Variants in WDR72 observed in about 807,000 individuals in gnomAD.
The protein encoded by WDR72 is WD repeat domain 72.
Under a neutral mutation model 124.2 loss-of-function variants are expected in WDR72, and 120 were observed. That is an observed-to-expected ratio of 0.97 (90% CI 0.83 to 1.12). The LOEUF (loss-of-function observed/expected upper bound fraction) is 1.12. Ranked by LOEUF, WDR72 falls within the 50% of genes most tolerant of loss-of-function variation. The pLI, the probability that WDR72 is intolerant of heterozygous loss-of-function variation, is 0.00. For missense variants in WDR72, 1,387 were observed against 1,278.8 expected (o/e 1.08, Z -1.29); for synonymous variants, 452 against 441.7 (o/e 1.02, Z -0.29).
Position 53,517,591 on chromosome 15 carries a change from C to A in WDR72, c.*108G>T. On this transcript the variant is annotated 3_prime_UTR_variant, in exon 20 of 20. Coordinates refer to ENST00000360509, the MANE Select transcript of WDR72 (RefSeq NM_182758.4). ...TAAAGTATTAGCAAATCCACTACAG[C>A]CTAATAACTTGACCAATAACAACAA... is the stretch of plus-strand genomic sequence containing the variant. The A allele has an allele frequency of 8.6e-7, 1 of 1,168,420 alleles. No homozygotes were observed. Among genetic ancestry groups the A allele is most frequent in the East Asian group, 2.4e-5 (1 of 42,046 alleles). 72.4% of individuals were successfully genotyped at this position (1,168,420 alleles called of 1,614,324 possible). A position where few individuals can be genotyped will look rare whatever the true frequency, so the allele number is the denominator to read the frequency against.
intron 13 of WDR72, among the ~76,000 whole-genome samples, chr15:53,685,192 C>T (rs1487245375): frequency 1.8e-4 from 27 of 146,084 alleles, no homozygotes; most frequent in African/African-American, 4.9e-4. Flanking sequence ...TCACCAGCAA[C>T]GGAACAAAGC....
intron 14 of WDR72, among the ~76,000 whole-genome samples, chr15:53,657,136 C>A (rs1012470726): frequency 1.3e-5 from 2 of 151,396 alleles, no homozygotes; most frequent in African/African-American, 4.9e-5. Flanking sequence ...TGGTGGCATG[C>A]ACTTGTAGTC....
intron 13 of WDR72, among the ~76,000 whole-genome samples, chr15:53,672,951 G>C (rs1329685585): frequency 6.6e-6 from 1 of 151,992 alleles, no homozygotes; most frequent in Non-Finnish European, 1.5e-5. Flanking sequence ...ACAAGGTGGC[G>C]AAACCCCATT....
upstream of WDR72, among the ~76,000 whole-genome samples, chr15:53,760,866 G>C (rs8034536): frequency 0.28 from 43,337 of 152,158 alleles, 7,517 homozygotes; most frequent in Admixed American, 0.41. Context: ...GCTCACATTT[G>C]TAATTCCAGC....
intron 1 of WDR72, among the ~76,000 whole-genome samples, chr15:53,739,216 A>G (rs1262028531): frequency 1.3e-5 from 2 of 152,202 alleles, no homozygotes; most frequent in African/African-American, 4.8e-5. Flanking sequence ...ATGATTTTCA[A>G]CTGAAGTAAG....
intron 18 of WDR72, among the ~76,000 whole-genome samples, chr15:53,535,567 G>A (rs960192634): frequency 9.9e-5 from 15 of 152,156 alleles, no homozygotes; most frequent in Non-Finnish European, 1.8e-4. Context: ...GTTGGAGCCT[G>A]CAAATGGCAG....
chr15:53,705,554 C>G (rs2017328029), intron 10 of WDR72, among the ~76,000 whole-genome samples: 2 of 152,166 alleles, frequency 1.3e-5, no homozygotes, highest in Admixed American at 1.3e-4. Flanking sequence ...CCTCCACCTC[C>G]TGGGTTTAAG....
rs1228750625 is a variant in WDR72 at position 53,514,848 on chromosome 15, C to T, written c.*2851G>A. On this transcript the variant is annotated 3_prime_UTR_variant, in exon 20 of 20. Transcript: ENST00000360509. ...GGCTCTGACAAGCACAGCAAGCACA[C>T]ACGGCCTGGACACGCTGCCGAGGAG... 1.4e-4 allele frequency: 21 copies of T among 151,884 alleles called. 1 individual carries two copies. The highest frequency in any genetic ancestry group is 4.4e-5 in the Non-Finnish European group (3 of 68,004). The allele number at this position is 151,884 out of a possible 1,614,324, so 9.4% of individuals were successfully genotyped here.
intron 14 of WDR72, among the ~76,000 whole-genome samples, chr15:53,647,158 T>C (rs2015072192): frequency 6.6e-6 from 1 of 152,094 alleles, no homozygotes; most frequent in African/African-American, 2.4e-5. Context: ...ATGGAAAAGA[T>C]GTGTTCAATT....
At chr15:53,549,990 TC>T (rs139211943) in intron 18 of WDR72, among the ~76,000 whole-genome samples, 1 of 152,172 alleles carries the variant, frequency 6.6e-6, no homozygotes, top group Non-Finnish European at 1.5e-5. Context: ...ACTTTTGGTG[TC>T]CCCTTTCATA....
chr15:53,558,252 AC>A (rs1894000760), intron 18 of WDR72, among the ~76,000 whole-genome samples: 1 of 152,072 alleles, frequency 6.6e-6, no homozygotes, highest in Admixed American at 6.6e-5. Context: ...TTAGTTGTCA[AC>A]ATTAAAAACA....
At chr15:53,669,255 C>T (rs943477948) in intron 13 of WDR72, among the ~76,000 whole-genome samples, 1 of 152,242 alleles carries the variant, frequency 6.6e-6, no homozygotes, top group Admixed American at 6.5e-5. Context: ...CTATGGACAG[C>T]TTTCTCTGGC....
intron 18 of WDR72, among the ~76,000 whole-genome samples, chr15:53,551,127 T>C (rs1480637490): frequency 1.3e-5 from 2 of 152,134 alleles, no homozygotes; most frequent in East Asian, 3.9e-4. Flanking sequence ...TGGGTGTCAC[T>C]TGAAAAGATT....
intron 1 of WDR72, among the ~76,000 whole-genome samples, chr15:53,743,954 G>A (rs1394654431): frequency 2.1e-5 from 3 of 145,358 alleles, no homozygotes; most frequent in African/African-American, 7.9e-5. Context: ...CGGCCTGGGC[G>A]ACAGAGCGAG....
chr15:53,695,953 T>C (rs1284237220), intron 13 of WDR72, among the ~76,000 whole-genome samples: 1 of 152,154 alleles, frequency 6.6e-6, no homozygotes, highest in Non-Finnish European at 1.5e-5. Context: ...CTATACCCCA[T>C]ACTCCCCAAG....
At position 53,612,213 on chromosome 15, in the gene WDR72, T is replaced by C. The variant is rs116738424; in HGVS notation, c.2872+1453A>G. On this transcript the variant is annotated intron_variant, in intron 16 of 19. Coordinates refer to ENST00000360509, the MANE Select transcript of WDR72 (RefSeq NM_182758.4). The stretch of plus-strand genomic sequence containing the variant: ...AACTCATCCACTAATTCAAAAGTTA[T>C]TTGCTAATTCCTTCTAGATATTGTT... 2.0e-3 allele frequency among the ~76,000 whole-genome samples: 297 copies of C among 152,258 alleles called. 1 individual carries two copies. The highest frequency in any genetic ancestry group is 6.9e-3 in the African/African-American group (285 of 41,556).
At chr15:53,576,895 T>G (rs1018231068) in intron 18 of WDR72, among the ~76,000 whole-genome samples, 10 of 152,202 alleles carry the variant, frequency 6.6e-5, no homozygotes, top group African/African-American at 2.4e-4. Flanking sequence ...AATCTGGTTT[T>G]TATATGTTGG....
At chr15:53,599,916 C>A (rs4643263) in intron 17 of WDR72, among the ~76,000 whole-genome samples, 2 of 151,670 alleles carry the variant, frequency 1.3e-5, no homozygotes, top group African/African-American at 4.8e-5. Flanking sequence ...AATAATGATA[C>A]GAATATCATC....
rs1192824394 is a variant in WDR72 at position 53,529,171 on chromosome 15, T to A, written c.3149-5849A>T. Among the ~76,000 whole-genome samples, 870 of 138,584 alleles carry A rather than the reference T, an allele frequency of 6.3e-3. 11 individuals are homozygous for A. Among genetic ancestry groups the A allele is most frequent in the South Asian group, 0.024 (106 of 4,490 alleles). The allele number at this position is 138,584 out of a possible 152,430, so 90.9% of individuals were successfully genotyped here. On this transcript the variant is annotated intron_variant, in intron 18 of 19. Coordinates refer to ENST00000360509, the MANE Select transcript of WDR72 (RefSeq NM_182758.4). ...ATATATATATATATATATATTTTTT[T>A]TTTTTTTTTTAAAAGAATATAAAAA...
Sources: gnomAD v4.1 joint callset for allele counts (sites outside exome capture counted in the v4.1 genomes callset) on GRCh38, gnomAD v4.1.1 for gene constraint, MANE v1.5 for transcripts, NCBI Gene and HGNC (gene_info 2026-07-23, HGNC 2026-07-21) for gene names.